The following CCSER1 variants were observed in gnomAD, a reference collection of about 807,000 sequenced individuals.
The protein encoded by CCSER1 is serine-rich coiled-coil domain-containing protein 1.
CCSER1 carries 41 observed loss-of-function variants against 82.0 expected under a neutral mutation model. The observed-to-expected ratio is 0.50, with a 90% CI of 0.39 to 0.65. The LOEUF (loss-of-function observed/expected upper bound fraction) is 0.65. CCSER1 is among the 30% of genes least tolerant of loss of function. The pLI, the probability that CCSER1 is intolerant of heterozygous loss-of-function variation, is 0.00. For synonymous variants in CCSER1, 414 were observed against 383.9 expected (o/e 1.08, Z -0.92); for missense variants, 1,119 against 1,064.2 (o/e 1.05, Z -0.72).
intron 1 of CCSER1, among the ~76,000 whole-genome samples, chr4:90,164,494 A>G (rs1051079402): frequency 6.6e-6 from 1 of 152,090 alleles, no homozygotes; most frequent in Non-Finnish European, 1.5e-5. Context: ...GATAGTCAGG[A>G]TAATATATAG....
Position 90,127,529 on chromosome 4 carries a change from C to T in CCSER1, c.-344C>T, listed in dbSNP as rs1475252589. ...CCTCTTGCTCTGCTCTTCTCTCCCT[C>T]ACCACAAATAGTCGCCGACCTACTG... is the stretch of plus-strand genomic sequence containing the variant. On this transcript the variant is annotated 5_prime_UTR_variant, in exon 1 of 11. Transcript: ENST00000509176. 6.5e-6 allele frequency: 1 copy of T among 153,156 alleles called. No homozygotes were observed. Among genetic ancestry groups the T allele is most frequent in the Non-Finnish European group, 1.5e-5 (1 of 68,702 alleles). The allele number at this position is 153,156 out of a possible 1,614,324, so 9.5% of individuals were successfully genotyped here.
intron 4 of CCSER1, among the ~76,000 whole-genome samples, chr4:90,429,392 A>C (rs1308804738): frequency 1.3e-5 from 2 of 151,870 alleles, no homozygotes; most frequent in Non-Finnish European, 2.9e-5. Context: ...TTAGTAAACT[A>C]TCTGCACATG....
chr4:91,597,631 A>C (rs2110359275), intron 10 of CCSER1, among the ~76,000 whole-genome samples: 1 of 152,246 alleles, frequency 6.6e-6, no homozygotes, highest in Non-Finnish European at 1.5e-5. Flanking sequence ...AAGTAATATT[A>C]ATCAAACAAA....
intron 5 of CCSER1, among the ~76,000 whole-genome samples, chr4:90,610,016 G>C (rs535410439): frequency 2.0e-5 from 3 of 152,264 alleles, no homozygotes; most frequent in South Asian, 4.1e-4. Flanking sequence ...ACTTTGGGAG[G>C]CCAAGGCCGG....
intron 9 of CCSER1, among the ~76,000 whole-genome samples, chr4:91,039,474 T>C (rs557575374): frequency 2.6e-5 from 4 of 152,252 alleles, no homozygotes; most frequent in Admixed American, 2.0e-4. Flanking sequence ...ATGGCTATCT[T>C]TCCAATATCA....
At chr4:91,059,457 A>T (rs923290717) in intron 9 of CCSER1, among the ~76,000 whole-genome samples, 9 of 77,100 alleles carry the variant, frequency 1.2e-4, no homozygotes, top group South Asian at 1.1e-3. Context: ...TATTAAGGTT[A>T]TATATATATA....
intron 10 of CCSER1, among the ~76,000 whole-genome samples, chr4:91,493,246 A>C (rs571066441): frequency 6.6e-6 from 1 of 152,014 alleles, no homozygotes; most frequent in East Asian, 1.9e-4. Flanking sequence ...TATATATATT[A>C]AACATAATGT....
chr4:91,586,491 G>A (rs1176599502), intron 10 of CCSER1, among the ~76,000 whole-genome samples: 1 of 151,580 alleles, frequency 6.6e-6, no homozygotes, highest in Admixed American at 6.6e-5. Context: ...CACCAGGAGC[G>A]TGAAATGTCA....
rs67215286 is a variant in CCSER1, at chr4:90,811,910, TAC to T, written c.2011-3828_2011-3827del. On this transcript the variant is annotated intron_variant, in intron 7 of 10. Transcript: ENST00000509176. Reference sequence around the variant, plus strand: ...TGACAGAACTGATGGAATATATATATACACACACACACACACACACACACATA... The same window carrying T: ...TGACAGAACTGATGGAATATATATATACACACACACACACACACACACATA... 1.5e-3 allele frequency among the ~76,000 whole-genome samples: 165 copies of T among 113,142 alleles called. 1 individual carries two copies. Among genetic ancestry groups the T allele is most frequent in the Middle Eastern group, 5.2e-3 (1 of 192 alleles). 74.2% of individuals were successfully genotyped at this position (113,142 alleles called of 152,430 possible).
At chr4:90,466,349 T>C (rs1264870096) in intron 4 of CCSER1, among the ~76,000 whole-genome samples, 1 of 152,240 alleles carries the variant, frequency 6.6e-6, no homozygotes, top group East Asian at 1.9e-4. Context: ...CCATAGGCCA[T>C]GAACCTGTGA....
Position 91,496,709 on chromosome 4 carries a change from TATTCA to T in CCSER1, c.2218-101860_2218-101856del, listed in dbSNP as rs1433460531. Among the ~76,000 whole-genome samples, 98 of 37,850 alleles carry T rather than the reference TATTCA, an allele frequency of 2.6e-3. 31 individuals carry two copies. The highest frequency in any genetic ancestry group is 5.4e-3 in the Non-Finnish European group (89 of 16,352). The allele number at this position is 37,850 out of a possible 152,430, so 24.8% of individuals were successfully genotyped here. A position where few individuals can be genotyped will look rare whatever the true frequency, so the allele number is the denominator to read the frequency against. Reference sequence around the variant, plus strand: ...TATATATATATTCAATATATATATATATTCAATATATAGAATATATATATATATTG... The same window carrying T: ...TATATATATATTCAATATATATATATATATATAGAATATATATATATATTG... On this transcript the variant is annotated intron_variant, in intron 10 of 10. Coordinates refer to ENST00000509176, the MANE Select transcript of CCSER1 (RefSeq NM_001145065.2).
At chr4:91,360,661 A>G (rs1749187764) in intron 10 of CCSER1, among the ~76,000 whole-genome samples, 1 of 151,764 alleles carries the variant, frequency 6.6e-6, no homozygotes, top group South Asian at 2.1e-4. Flanking sequence ...GACAGCCATA[A>G]CCACAGTAAC....
At position 91,296,466 on chromosome 4, in the gene CCSER1, TG is replaced by T. The variant is rs1560573026; in HGVS notation, c.2217+210473del. Reference sequence around the variant, plus strand: ...GTCTAACATTATATATATATATATATGTATATATATATATATATATTTTAAT... The same window carrying T: ...GTCTAACATTATATATATATATATATTATATATATATATATATATTTTAAT... On this transcript the variant is annotated intron_variant, in intron 10 of 10. Coordinates refer to ENST00000509176, the MANE Select transcript of CCSER1 (RefSeq NM_001145065.2). 7.8e-3 allele frequency among the ~76,000 whole-genome samples: 399 copies of T among 51,278 alleles called. 27 individuals are homozygous for T. Among genetic ancestry groups the T allele is most frequent in the African/African-American group, 0.028 (372 of 13,430 alleles). The allele number at this position is 51,278 out of a possible 152,430, so 33.6% of individuals were successfully genotyped here. A position where few individuals can be genotyped will look rare whatever the true frequency, so the allele number is the denominator to read the frequency against.
chr4:91,299,761 G>C (rs1263393337), intron 10 of CCSER1, among the ~76,000 whole-genome samples: 1 of 151,226 alleles, frequency 6.6e-6, no homozygotes, highest in Non-Finnish European at 1.5e-5. Context: ...AATTTTAGCA[G>C]GGACTTTTTC....
chr4:90,923,086 A>G (rs72665427), intron 8 of CCSER1, among the ~76,000 whole-genome samples: 32,492 of 152,122 alleles, frequency 0.21, 4,571 homozygotes, highest in Non-Finnish European at 0.31. Flanking sequence ...CAAAGCATAG[A>G]CATTTGGTCT....
intron 3 of CCSER1, among the ~76,000 whole-genome samples, chr4:90,366,893 G>A (rs1327197273): frequency 4.0e-5 from 6 of 151,708 alleles, no homozygotes; most frequent in Admixed American, 2.0e-4. Flanking sequence ...CCCTTAGTAC[G>A]AAATTTAATA....
intron 9 of CCSER1, among the ~76,000 whole-genome samples, chr4:90,963,466 A>G (rs934777590): frequency 1.3e-5 from 2 of 152,186 alleles, no homozygotes; most frequent in East Asian, 1.9e-4. Flanking sequence ...TGAAGTCATA[A>G]CCCACAGTAG....
chr4:90,436,810 C>CT (rs989339206), intron 4 of CCSER1, among the ~76,000 whole-genome samples: 181 of 140,452 alleles, frequency 1.3e-3, no homozygotes, highest in South Asian at 2.7e-3. Context: ...ATATTAGTTC[C>CT]TTTTTTTTTT....
At chr4:90,916,845 T>C (rs1021176202) in intron 8 of CCSER1, among the ~76,000 whole-genome samples, 2 of 151,992 alleles carry the variant, frequency 1.3e-5, no homozygotes, top group Non-Finnish European at 2.9e-5. Flanking sequence ...CATCAAAAAG[T>C]GGGCAAAGGA....
Sources: gnomAD v4.1 joint callset for allele counts (sites outside exome capture counted in the v4.1 genomes callset) on GRCh38, gnomAD v4.1.1 for gene constraint, MANE v1.5 for transcripts, NCBI Gene and HGNC (gene_info 2026-07-23, HGNC 2026-07-21) for gene names.